The following TCF4 variants were observed in gnomAD, a reference collection of about 807,000 sequenced individuals.
TCF4 encodes SL3-3 enhancer factor 2.
A neutral mutation model predicts 82.1 loss-of-function variants in TCF4; 3 were observed. The ratio of observed to expected loss-of-function variants is 0.04; its 90% CI spans 0.02 to 0.09. The LOEUF (loss-of-function observed/expected upper bound fraction) is 0.09. TCF4 is among the 10% of genes least tolerant of loss of function. The probability of loss-of-function intolerance (pLI) is 1.00; values close to 1 mark genes in which losing one functional copy is unlikely to be tolerated. For synonymous variants in TCF4, 276 were observed against 309.6 expected (o/e 0.89, Z 1.14); for missense variants, 518 against 852.7 (o/e 0.61, Z 4.89).
At chr18:55,387,241 A>T (rs2092685392) in intron 6 of TCF4, among the ~76,000 whole-genome samples, 1 of 152,216 alleles carries the variant, frequency 6.6e-6, no homozygotes, top group Non-Finnish European at 1.5e-5. Flanking sequence ...GGGCCTTCTG[A>T]GAATCACATC....
At chr18:55,282,193 AT>A (rs2062756675) in intron 8 of TCF4, among the ~76,000 whole-genome samples, 2 of 152,018 alleles carry the variant, frequency 1.3e-5, no homozygotes, top group Non-Finnish European at 2.9e-5. Context: ...AAATAAATAA[AT>A]ATCACATATA....
At chr18:55,383,686 C>A (rs1255189212) in intron 6 of TCF4, among the ~76,000 whole-genome samples, 1 of 152,204 alleles carries the variant, frequency 6.6e-6, no homozygotes, top group East Asian at 1.9e-4. Context: ...CACGTTACTA[C>A]GGGGTTGGCC....
intron 2 of TCF4, among the ~76,000 whole-genome samples, chr18:55,626,070 C>T (rs544898362): frequency 7.9e-5 from 12 of 152,252 alleles, no homozygotes; most frequent in African/African-American, 2.9e-4. Context: ...AATGAAATGT[C>T]AGCATTTCAG....
chr18:55,481,287 T>C (rs2096426396), intron 3 of TCF4, among the ~76,000 whole-genome samples: 1 of 152,154 alleles, frequency 6.6e-6, no homozygotes, highest in African/African-American at 2.4e-5. Context: ...ACCATGGAAA[T>C]TGGCAAAAAT....
intron 6 of TCF4, among the ~76,000 whole-genome samples, chr18:55,385,889 T>C (rs2092556859): frequency 1.3e-5 from 2 of 152,212 alleles, no homozygotes; most frequent in South Asian, 4.1e-4. Flanking sequence ...AATCAGGCCA[T>C]CGCTACTGGG....
chr18:55,453,260 AG>A (rs2095662742), intron 5 of TCF4, among the ~76,000 whole-genome samples: 1 of 152,094 alleles, frequency 6.6e-6, no homozygotes, highest in Non-Finnish European at 1.5e-5. Flanking sequence ...TTAGACAATG[AG>A]GGGAAGGACA....
chr18:55,238,692 G>A (rs1472625595), intron 15 of TCF4, among the ~76,000 whole-genome samples: 2 of 150,806 alleles, frequency 1.3e-5, no homozygotes, highest in Non-Finnish European at 2.9e-5. Context: ...GGGCTATTCA[G>A]CCTCTCTCCT....
At chr18:55,377,487 C>G (rs2091036616) in intron 6 of TCF4, among the ~76,000 whole-genome samples, 1 of 151,990 alleles carries the variant, frequency 6.6e-6, no homozygotes, top group African/African-American at 2.4e-5. Context: ...AAATATAGAC[C>G]CAGACTCAAG....
At position 55,227,062 on chromosome 18, in the gene TCF4, G is replaced by A. The variant is rs1287434461; in HGVS notation, c.*973C>T. ...TTGCCATGTCTTGGTAATGCTGCTTGTAATATCTACACATGATGTGACTTT... is the reference window on the plus strand; with the variant it reads ...TTGCCATGTCTTGGTAATGCTGCTTATAATATCTACACATGATGTGACTTT... On this transcript the variant is annotated 3_prime_UTR_variant, in exon 20 of 20. Transcript: ENST00000354452. 2 of 152,270 alleles carry A rather than the reference G, an allele frequency of 1.3e-5. No individual in the cohort carries two copies. Among genetic ancestry groups the A allele is most frequent in the Non-Finnish European group, 2.9e-5 (2 of 67,950 alleles). The allele number at this position is 152,270 out of a possible 1,614,324, so 9.4% of individuals were successfully genotyped here.
At chr18:55,301,936 G>A (rs1468220518) in intron 8 of TCF4, among the ~76,000 whole-genome samples, 5 of 151,882 alleles carry the variant, frequency 3.3e-5, no homozygotes, top group African/African-American at 1.2e-4. Context: ...TAAGTAAACC[G>A]TTTCTGAGAA....
At chr18:55,530,031 C>T (rs537862293) in intron 3 of TCF4, among the ~76,000 whole-genome samples, 10 of 152,198 alleles carry the variant, frequency 6.6e-5, no homozygotes, top group Admixed American at 4.6e-4. Context: ...AACCTGACTA[C>T]TCCAAAATAG....
At chr18:55,235,862 T>G (rs1599614828) in intron 15 of TCF4, among the ~76,000 whole-genome samples, 1 of 152,304 alleles carries the variant, frequency 6.6e-6, no homozygotes, top group East Asian at 1.9e-4. Flanking sequence ...TCATCACTCT[T>G]GTGTTACCAA....
intron 8 of TCF4, among the ~76,000 whole-genome samples, chr18:55,347,710 C>T (rs2081484960): frequency 6.6e-6 from 1 of 152,132 alleles, no homozygotes; most frequent in Admixed American, 6.6e-5. Context: ...CAAATAATAC[C>T]TGATGATGCA....
At chr18:55,620,955 G>A (rs1439650172) in intron 2 of TCF4, among the ~76,000 whole-genome samples, 1 of 151,916 alleles carries the variant, frequency 6.6e-6, no homozygotes, top group Non-Finnish European at 1.5e-5. Context: ...CTTTTGTAGT[G>A]GCTGAAAGAA....
In TCF4 at chr18:55,453,980, A is replaced by C. The variant is rs142679872; in HGVS notation, c.304+7039T>G. Among the ~76,000 whole-genome samples the C allele has an allele frequency of 5.9e-4, 90 of 152,102 alleles. 1 individual carries two copies. The highest frequency in any genetic ancestry group is 3.4e-3 in the Middle Eastern group (1 of 294). On this transcript the variant is annotated intron_variant, in intron 5 of 19. Coordinates refer to ENST00000354452, the MANE Select transcript of TCF4 (RefSeq NM_001083962.2). ...CAGCCTCCAGTAGTCCTTCCACCTCAGCCTCCTGAATGTCTGGGACCACTA... is the reference window on the plus strand; with the variant it reads ...CAGCCTCCAGTAGTCCTTCCACCTCCGCCTCCTGAATGTCTGGGACCACTA...
At chr18:55,284,363 G>C (rs562146720) in intron 8 of TCF4, 12 of 151,632 alleles carry the variant, frequency 7.9e-5, no homozygotes, top group Admixed American at 7.9e-4. Flanking sequence ...AGTGAGCCGA[G>C]ATCGTGCCAT....
In TCF4 at chr18:55,577,097, T is replaced by C. The variant is rs200228843; in HGVS notation, c.145+8183A>G. ...TATATATATATTATATATACATTTATATATTTATATATGTATATATACATT... is the reference window on the plus strand; with the variant it reads ...TATATATATATTATATATACATTTACATATTTATATATGTATATATACATT... On this transcript the variant is annotated intron_variant, in intron 3 of 19. Coordinates refer to ENST00000354452, the MANE Select transcript of TCF4 (RefSeq NM_001083962.2). Among the ~76,000 whole-genome samples the C allele has an allele frequency of 2.7e-5, 4 of 146,618 alleles. No homozygotes were observed. In the East Asian group the frequency reaches 7.8e-4, roughly 29 times the overall value.
At chr18:55,248,660 T>C (rs1057075322) in intron 15 of TCF4, among the ~76,000 whole-genome samples, 14 of 152,214 alleles carry the variant, frequency 9.2e-5, no homozygotes, top group African/African-American at 3.1e-4. Context: ...AGTTTTGAAA[T>C]GGTTATGGTA....
intron 6 of TCF4, among the ~76,000 whole-genome samples, chr18:55,374,670 G>A (rs1022982560): frequency 2.0e-5 from 3 of 151,814 alleles, no homozygotes; most frequent in Non-Finnish European, 4.4e-5. Context: ...GGAGGCTAAG[G>A]CAGGCAGATG....
Sources: gnomAD v4.1 joint callset for allele counts (sites outside exome capture counted in the v4.1 genomes callset) on GRCh38, gnomAD v4.1.1 for gene constraint, MANE v1.5 for transcripts, NCBI Gene and HGNC (gene_info 2026-07-23, HGNC 2026-07-21) for gene names.